The following APC variants were observed in gnomAD, a reference collection of about 807,000 sequenced individuals.
The protein encoded by APC is APC regulator of Wnt signaling pathway.
In APC, 72 loss-of-function variants were observed where a neutral mutation model predicts 247.0. The ratio of observed to expected loss-of-function variants is 0.29; its 90% CI spans 0.24 to 0.35. The LOEUF (loss-of-function observed/expected upper bound fraction) is 0.35, where lower values mean the gene tolerates loss of function less well. APC is among the 10% of genes least tolerant of loss of function. The probability of loss-of-function intolerance (pLI) is 1.00; values close to 1 mark genes in which losing one functional copy is unlikely to be tolerated. For missense variants in APC, 3,400 were observed against 3,360.7 expected, an observed-to-expected ratio of 1.01 and a Z score of -0.29; for synonymous variants, 1,254 against 1,162.5, an observed-to-expected ratio of 1.08 and a Z score of -1.60.
chr5:112,799,673 G>A (rs1436000377), intron 7 of APC, among the ~76,000 whole-genome samples: 1 of 152,118 alleles, frequency 6.6e-6, no homozygotes, highest in African/African-American at 2.4e-5. Flanking sequence ...ACTGTAACTT[G>A]CAAGTAGAAA....
At chr5:112,773,880 A>G (rs1757314018) in intron 4 of APC, among the ~76,000 whole-genome samples, 1 of 152,222 alleles carries the variant, frequency 6.6e-6, no homozygotes, top group Non-Finnish European at 1.5e-5. Context: ...CACTCATAGT[A>G]AGAGAAATCA....
chr5:112,772,450 C>T (rs1310042469), intron 4 of APC, among the ~76,000 whole-genome samples: 1 of 152,010 alleles, frequency 6.6e-6, no homozygotes, highest in African/African-American at 2.4e-5. Flanking sequence ...TGTCCCTAAC[C>T]TCCCCCTTAC....
intron 8 of APC, among the ~76,000 whole-genome samples, chr5:112,809,628 T>G (rs955092075): frequency 1.3e-5 from 2 of 151,298 alleles, no homozygotes; most frequent in Middle Eastern, 3.5e-3. Context: ...TCATTGCTGA[T>G]CTTGTCAAAT....
At chr5:112,816,575 C>G (rs1762532646) in intron 9 of APC, among the ~76,000 whole-genome samples, 1 of 152,082 alleles carries the variant, frequency 6.6e-6, no homozygotes, top group South Asian at 2.1e-4. Flanking sequence ...GGGTGGATCA[C>G]TTGAGGCCAG....
At chr5:112,806,587 T>G (rs187091722) in intron 8 of APC, among the ~76,000 whole-genome samples, 337 of 148,818 alleles carry the variant, frequency 2.3e-3, no homozygotes, top group African/African-American at 8.3e-3. Context: ...TTTATTTATT[T>G]ATTTATTGAG....
chr5:112,746,358 A>G (rs1039171563), intron 1 of APC, among the ~76,000 whole-genome samples: 3 of 152,216 alleles, frequency 2.0e-5, no homozygotes, highest in South Asian at 2.1e-4. Flanking sequence ...ACACTATTCA[A>G]ACTATTCCAG....
rs1395342002 is a variant in APC, at chr5:112,845,820, G to C, written c.*1694G>C. 4.3e-6 allele frequency: 1 copy of C among 231,944 alleles called. No homozygotes were observed. Among genetic ancestry groups the C allele is most frequent in the Non-Finnish European group, 8.5e-6 (1 of 117,408 alleles). The allele number at this position is 231,944 out of a possible 1,614,324, so 14.4% of individuals were successfully genotyped here. On this transcript the variant is annotated 3_prime_UTR_variant, in exon 16 of 16. Transcript: ENST00000257430. The stretch of plus-strand genomic sequence containing the variant: ...ACTGATGATACATGCATACATATTT[G>C]TTGAATAAATGAAAATTTATTTTTA...
At chr5:112,827,085 TC>T (rs751345695) in intron 11 of APC, 22 bp from the exon 12 acceptor site, 5 of 1,612,948 alleles carry the variant, frequency 3.1e-6, no homozygotes, top group Non-Finnish European at 4.2e-6. Flanking sequence ...ATTGTCTTTT[TC>T]CTCTTGCCCT....
At chr5:112,708,699 T>A (rs1750674635) in intron 1 of APC, among the ~76,000 whole-genome samples, 1 of 152,258 alleles carries the variant, frequency 6.6e-6, no homozygotes, top group African/African-American at 2.4e-5. Context: ...ACAAGCCCTT[T>A]GTTTCTATTT....
intron 1 of APC, among the ~76,000 whole-genome samples, chr5:112,740,673 A>G (rs983113057): frequency 6.6e-6 from 1 of 151,618 alleles, no homozygotes; most frequent in Admixed American, 6.6e-5. Flanking sequence ...CTACAGGCAC[A>G]TACCACCGTG....
Position 112,819,208 on chromosome 5 carries a change from C to G in APC, c.1176C>G (p.His392Gln), listed in dbSNP as rs1580530148. The G allele has an allele frequency of 6.2e-7, 1 of 1,614,014 alleles. No homozygotes were observed. The change falls in exon 10 of 16, where the codon CAC (histidine) becomes CAG (glutamine). Residue 392 changes from histidine to glutamine, a missense_variant. Physicochemically the swap from His to Gln is conservative, Grantham distance 24. Around this residue, in one of 9 missense-constraint regions of APC, gnomAD observed 199 missense variants for 212.5 expected, o/e 0.94. Coordinates refer to ENST00000257430, the MANE Select transcript of APC (RefSeq NM_000038.6). Reference sequence around the variant, plus strand: ...GTGCAGCACTCCACAACATCATTCACTCACAGCCTGATGACAAGAGAGGCA... The same window carrying G: ...GTGCAGCACTCCACAACATCATTCAGTCACAGCCTGATGACAAGAGAGGCA... ...RASAALHNII[H>Q]SQPDDKRGRR...
At chr5:112,755,072 G>T (rs780484255) in intron 2 of APC, 47 bp downstream of exon 2, 18 of 1,609,596 alleles carry the variant, frequency 1.1e-5, no homozygotes, top group Non-Finnish European at 1.4e-5. Context: ...TTTTTATTCA[G>T]TATTCCCTCT....
chr5:112,720,961 T>G (rs1751450420), intron 1 of APC, among the ~76,000 whole-genome samples: 1 of 152,186 alleles, frequency 6.6e-6, no homozygotes, highest in Non-Finnish European at 1.5e-5. Context: ...CTGGTTATTG[T>G]TGCATCTAAA....
chr5:112,724,262 A>G (rs1241455226), intron 1 of APC, among the ~76,000 whole-genome samples: 1 of 152,062 alleles, frequency 6.6e-6, no homozygotes, highest in Non-Finnish European at 1.5e-5. Context: ...GAAGAAGAAA[A>G]AGCTTGTTGT....
chr5:112,757,519 G>A (rs995542349), intron 2 of APC, among the ~76,000 whole-genome samples: 12 of 152,152 alleles, frequency 7.9e-5, no homozygotes, highest in African/African-American at 2.9e-4. Context: ...GATTGTTTGA[G>A]CTCAGGAATT....
rs929111912 is a variant in APC at position 112,756,835 on chromosome 5, A to C, written c.135+1810A>C. On this transcript the variant is annotated intron_variant, in intron 2 of 15. Transcript: ENST00000257430. ...GTATAATACAAGTTGAGTATCCCTT[A>C]CCCAAAATTGCTTCAGGCCAGAAGT... is the stretch of plus-strand genomic sequence containing the variant. 3.9e-5 allele frequency among the ~76,000 whole-genome samples: 6 copies of C among 152,174 alleles called. No individual in the cohort carries two copies. The East Asian group carries it at 1.2e-3, about 29-fold the overall frequency.
At chr5:112,784,271 T>C (rs1580393202) in intron 6 of APC, among the ~76,000 whole-genome samples, 1 of 152,322 alleles carries the variant, frequency 6.6e-6, no homozygotes. Flanking sequence ...TTTCACCATA[T>C]TGGTCAGGCT....
chr5:112,809,021 T>G (rs1761709166), intron 8 of APC, among the ~76,000 whole-genome samples: 1 of 152,164 alleles, frequency 6.6e-6, no homozygotes, highest in Admixed American at 6.5e-5. Flanking sequence ...GGAAAAATGT[T>G]AAGTTTAACT....
At chr5:112,833,265 C>A (rs1764504533) in intron 14 of APC, among the ~76,000 whole-genome samples, 1 of 151,134 alleles carries the variant, frequency 6.6e-6, no homozygotes, top group African/African-American at 2.4e-5. Flanking sequence ...TCACTGCAAC[C>A]TCTGCCTCCC....
Sources: gnomAD v4.1 joint callset for allele counts (sites outside exome capture counted in the v4.1 genomes callset) on GRCh38, gnomAD v4.1.1 for gene constraint, gnomAD v4.1.1 regional missense constraint, MANE v1.5 for transcripts, NCBI Gene and HGNC (gene_info 2026-07-23, HGNC 2026-07-21) for gene names.